The following ZC3H18 variants were observed in gnomAD, a reference collection of about 807,000 sequenced individuals.
The protein encoded by ZC3H18 is zinc finger CCCH domain-containing protein 18.
A neutral mutation model predicts 106.1 loss-of-function variants in ZC3H18; 8 were observed. The observed-to-expected ratio is 0.08, with a 90% confidence interval of 0.04 to 0.14. The LOEUF (loss-of-function observed/expected upper bound fraction) is 0.14. ZC3H18 is among the 10% of genes least tolerant of loss of function. ZC3H18 has a pLI of 1.00. For synonymous variants in ZC3H18, 635 were observed against 522.1 expected (o/e 1.22, Z -2.95); for missense variants, 1,318 against 1,278.4 (o/e 1.03, Z -0.47).
chr16:88,623,948 A>G lies in ZC3H18; in HGVS notation c.1794-10A>G, dbSNP rs757868983. ...CAGGCCCCTTCCGACACCTTTGTTCACTCCCCTAGGTCCCGGTCCTTCTCT... is the reference window on the plus strand; with the variant it reads ...CAGGCCCCTTCCGACACCTTTGTTCGCTCCCCTAGGTCCCGGTCCTTCTCT... On this transcript the variant is annotated splice_polypyrimidine_tract_variant and intron_variant, in intron 10 of 17. Transcript: ENST00000301011. The G allele has an allele frequency of 6.2e-7, 1 of 1,603,806 alleles. No homozygotes were observed. Among genetic ancestry groups the G allele is most frequent in the Admixed American group, 1.7e-5 (1 of 59,088 alleles).
intron 11 of ZC3H18, 78 bp downstream of exon 11, chr16:88,624,140 C>A: frequency 6.4e-7 from 1 of 1,564,830 alleles, no homozygotes; most frequent in South Asian, 1.1e-5. Context: ...GTCTCTATCT[C>A]TCATTTGTGT....
intron 8 of ZC3H18, among the ~76,000 whole-genome samples, chr16:88,617,549 A>G (rs555451114): frequency 2.0e-5 from 3 of 152,218 alleles, no homozygotes; most frequent in Non-Finnish European, 2.9e-5. Flanking sequence ...TTAGAAATGT[A>G]AACACTGATT....
At chr16:88,628,256 T>A in intron 15 of ZC3H18, 137 bp downstream of exon 15, 1 of 1,018,204 alleles carries the variant, frequency 9.8e-7, no homozygotes, top group Non-Finnish European at 1.4e-6. Flanking sequence ...ACAGCCTGGG[T>A]AACAAAGCGA....
At chr16:88,594,597 T>C (rs1463653158) in intron 3 of ZC3H18, among the ~76,000 whole-genome samples, 10 of 152,204 alleles carry the variant, frequency 6.6e-5, no homozygotes, top group Middle Eastern at 6.8e-3. Flanking sequence ...TTACATTGTT[T>C]AGTGAAAAAA....
In ZC3H18 at chr16:88,630,767, C is replaced by A. The variant is rs577814750; in HGVS notation, c.2663+186C>A. Among the ~76,000 whole-genome samples, 40 of 89,576 alleles carry A rather than the reference C, an allele frequency of 4.5e-4. 2 individuals carry two copies. The highest frequency in any genetic ancestry group is 2.4e-3 in the Admixed American group (21 of 8,886). 58.8% of individuals were successfully genotyped at this position (89,576 alleles called of 152,430 possible). ...CAGCCCCACCCCCCACCCCCCCCCA[C>A]ACACACACACACGCTCCTGCCCTGG... On this transcript the variant is annotated intron_variant, in intron 17 of 17. Coordinates refer to ENST00000301011, the MANE Select transcript of ZC3H18 (RefSeq NM_144604.4).
At chr16:88,575,200 C>T (rs1295957424) in intron 1 of ZC3H18, among the ~76,000 whole-genome samples, 2 of 151,766 alleles carry the variant, frequency 1.3e-5, no homozygotes, top group Non-Finnish European at 2.9e-5. Flanking sequence ...TAGGTTGATA[C>T]CAATTCTTGA....
Position 88,580,426 on chromosome 16 carries a change from A to C in ZC3H18, c.603+2700A>C, listed in dbSNP as rs144187529. ...GAAGGTCCACGCTCAAGAGCCAGTC[A>C]CAGATGGAAGGGAGTTCACGTGAGC... On this transcript the variant is annotated intron_variant, in intron 2 of 17. Transcript: ENST00000301011. 7.5e-3 allele frequency among the ~76,000 whole-genome samples: 1,146 copies of C among 152,202 alleles called. 20 individuals are homozygous for C. Among genetic ancestry groups the C allele is most frequent in the African/African-American group, 0.027 (1,103 of 41,508 alleles).
intron 3 of ZC3H18, among the ~76,000 whole-genome samples, chr16:88,593,963 A>G (rs1567584063): frequency 6.6e-6 from 1 of 152,202 alleles, no homozygotes; most frequent in South Asian, 2.1e-4. Flanking sequence ...CAAGTTGGAA[A>G]AGTGTGGTGA....
At chr16:88,595,815 A>C (rs1396026651) in intron 3 of ZC3H18, among the ~76,000 whole-genome samples, 1 of 152,132 alleles carries the variant, frequency 6.6e-6, no homozygotes, top group African/African-American at 2.4e-5. Context: ...CAAAAAAAAA[A>C]AAATTAAAAA....
rs773689100 is a variant in ZC3H18, at chr16:88,580,203, T to A, written c.603+2477T>A. On this transcript the variant is annotated intron_variant, in intron 2 of 17. Coordinates refer to ENST00000301011, the MANE Select transcript of ZC3H18 (RefSeq NM_144604.4). ...GTGTGTGTGTGTGTGTGTGTGTGTGTGTGTGTATATGTATATGTCTCTGCC... is the reference window on the plus strand; with the variant it reads ...GTGTGTGTGTGTGTGTGTGTGTGTGAGTGTGTATATGTATATGTCTCTGCC... Among the ~76,000 whole-genome samples the A allele has an allele frequency of 5.3e-3, 258 of 48,956 alleles. 2 individuals carry two copies. Among genetic ancestry groups the A allele is most frequent in the African/African-American group, 6.9e-3 (125 of 18,028 alleles). 32.1% of individuals were successfully genotyped at this position (48,956 alleles called of 152,430 possible).
At chr16:88,619,553 C>T (rs1032300264) in intron 8 of ZC3H18, among the ~76,000 whole-genome samples, 3 of 152,196 alleles carry the variant, frequency 2.0e-5, no homozygotes, top group Non-Finnish European at 4.4e-5. Flanking sequence ...TTTTGAAATT[C>T]GGTATCATTG....
At chr16:88,571,660 A>G (rs926568036) in intron 1 of ZC3H18, 1 of 985,370 alleles carries the variant, frequency 1.0e-6, no homozygotes, top group Non-Finnish European at 1.2e-6. Context: ...GAGTCACTCC[A>G]GAAAGCAAAC....
chr16:88,629,109 C>G (rs1442275982), intron 16 of ZC3H18, among the ~76,000 whole-genome samples: 24 of 152,128 alleles, frequency 1.6e-4, no homozygotes, highest in Admixed American at 7.9e-4. Flanking sequence ...GAGGCTGAGG[C>G]CGGCAGATCA....
intron 2 of ZC3H18, among the ~76,000 whole-genome samples, chr16:88,581,929 G>A (rs1422792713): frequency 6.6e-6 from 1 of 152,220 alleles, no homozygotes; most frequent in Non-Finnish European, 1.5e-5. Flanking sequence ...CATGTTCCGT[G>A]TTTATATCTG....
intron 1 of ZC3H18, among the ~76,000 whole-genome samples, chr16:88,573,402 C>G (rs915726405): frequency 4.6e-5 from 7 of 152,068 alleles, no homozygotes; most frequent in African/African-American, 1.7e-4. Flanking sequence ...CACAACCCCA[C>G]GCAGACTCCC....
intron 2 of ZC3H18, 23 bp from the exon 3 acceptor site, chr16:88,586,577 T>C (rs539119334): frequency 1.2e-6 from 2 of 1,609,446 alleles, no homozygotes; most frequent in East Asian, 2.2e-5. Flanking sequence ...TCCCCCACGC[T>C]AAGACGGTGT....
chr16:88,606,813 C>CCTTTGG (rs1158535840), intron 6 of ZC3H18, among the ~76,000 whole-genome samples: 2 of 152,120 alleles, frequency 1.3e-5, no homozygotes, highest in African/African-American at 4.8e-5. Flanking sequence ...GAAGCTGTGT[C>CCTTTGG]CTTTGGGAGA....
chr16:88,587,731 T>C, intron 3 of ZC3H18: 1 of 1,039,192 alleles, frequency 9.6e-7, no homozygotes, highest in Non-Finnish European at 1.4e-6. Flanking sequence ...AAGGGGGTCT[T>C]TGAGGGGCAG....
chr16:88,625,211 A>AAGCGGC lies in ZC3H18; in HGVS notation c.2061_2066dup (p.Gly692_Ser693dup). The AAGCGGC allele has an allele frequency of 6.3e-7, 1 of 1,590,768 alleles. No individual in the cohort carries two copies. The highest frequency in any genetic ancestry group is 8.6e-7 in the Non-Finnish European group (1 of 1,168,932). The stretch of plus-strand genomic sequence containing the variant: ...GTTGCTTGTATTACAGGCGGACGCT[A>AAGCGGC]AGCGGCAGCGGCAGTGGCAGTGGTA... On this transcript the variant is annotated inframe_insertion, in exon 13 of 18. Transcript: ENST00000301011.
Sources: allele counts gnomAD v4.1 joint callset (sites outside exome capture counted in the v4.1 genomes callset), GRCh38; gene constraint gnomAD v4.1.1; transcripts MANE v1.5; gene names NCBI Gene and HGNC (gene_info 2026-07-23, HGNC 2026-07-21).